Variants in LRCH3 observed in about 807,000 individuals in gnomAD.
LRCH3 encodes the protein leucine rich repeats and calponin homology domain containing 3, also known as DISP complex protein LRCH3.
Under a neutral mutation model 104.5 loss-of-function variants are expected in LRCH3, and 68 were observed. That is an observed-to-expected ratio of 0.65 (90% CI 0.54 to 0.80). The LOEUF is 0.80. Among genes scored for constraint, LRCH3 ranks in the 30% least tolerant of loss-of-function variants. LRCH3 has a pLI of 0.00. For synonymous variants in LRCH3, 344 were observed against 361.3 expected (o/e 0.95, Z 0.54); for missense variants, 951 against 953.9 (o/e 1.00, Z 0.04).
chr3:197,791,686 GC>G, intron 1 of LRCH3, 146 bp downstream of exon 1: 2 of 954,084 alleles, frequency 2.1e-6, no homozygotes, highest in Non-Finnish European at 2.9e-6. Context: ...AGCCGACGGC[GC>G]CAGCCCTCCG....
chr3:197,872,207 A>G (rs1446881411), intron 19 of LRCH3, among the ~76,000 whole-genome samples: 2 of 151,652 alleles, frequency 1.3e-5, no homozygotes, highest in East Asian at 3.9e-4. Flanking sequence ...AAATACAAAA[A>G]TCAGCTGGGT....
intron 4 of LRCH3, among the ~76,000 whole-genome samples, chr3:197,825,360 C>CT (rs35669763): frequency 0.45 from 54,046 of 119,148 alleles, 10,959 homozygotes; most frequent in Middle Eastern, 0.57. Flanking sequence ...TGTTTTATAT[C>CT]TTTTTTTTTT....
At position 197,791,575 on chromosome 3, in the gene LRCH3, G is replaced by T. The variant is rs1020079985; in HGVS notation, c.262+35G>T. ...GCGGGGGGCGTCTCTGCCCGTCGGA[G>T]ACCCGGCGCCGGGAGCCGCCCCGGC... On this transcript the variant is annotated intron_variant, in intron 1 of 20. Transcript: ENST00000425562. 4 of 1,499,336 alleles carry T rather than the reference G, an allele frequency of 2.7e-6. No individual in the cohort carries two copies. The African/African-American group carries it at 4.4e-5, about 17-fold the overall frequency. 92.9% of individuals were successfully genotyped at this position (1,499,336 alleles called of 1,614,324 possible). A position where few individuals can be genotyped will look rare whatever the true frequency, so the allele number is the denominator to read the frequency against.
At chr3:197,827,984 G>C (rs961607154) in intron 5 of LRCH3, among the ~76,000 whole-genome samples, 2 of 151,430 alleles carry the variant, frequency 1.3e-5, no homozygotes, top group Non-Finnish European at 2.9e-5. Flanking sequence ...GGCTGAGGCA[G>C]GAAAATCACT....
intron 10 of LRCH3, among the ~76,000 whole-genome samples, chr3:197,841,421 C>T (rs908012993): frequency 1.2e-4 from 19 of 152,206 alleles, no homozygotes; most frequent in Non-Finnish European, 2.4e-4. Flanking sequence ...TTCTTACTTC[C>T]CTTTCTGCCA....
At chr3:197,867,986 T>C (rs1463663134) in intron 17 of LRCH3, among the ~76,000 whole-genome samples, 1 of 152,168 alleles carries the variant, frequency 6.6e-6, no homozygotes. Context: ...ATTGCGCGAT[T>C]GCACTCCAGC....
intron 8 of LRCH3, 38 bp from the exon 9 acceptor site, chr3:197,835,636 T>TGTGTGTGTGTGTGTGG: frequency 9.7e-7 from 1 of 1,036,214 alleles, no homozygotes; most frequent in Non-Finnish European, 1.3e-6. Context: ...TTTTTTCTGG[T>TGTGTGTGTGTGTGTGG]GTGTGTGTGT....
chr3:197,854,328 G>A lies in LRCH3; in HGVS notation c.1591-64G>A. The A allele has an allele frequency of 7.2e-7, 1 of 1,389,332 alleles. No homozygotes were observed. Among genetic ancestry groups the A allele is most frequent in the Non-Finnish European group, 1.0e-6 (1 of 974,734 alleles). 86.1% of individuals were successfully genotyped at this position (1,389,332 alleles called of 1,614,324 possible). A position where few individuals can be genotyped will look rare whatever the true frequency, so the allele number is the denominator to read the frequency against. The stretch of plus-strand genomic sequence containing the variant: ...TCTCTTCCCTTGTGTGTGTATTCGT[G>A]AAATACGTCACACGTGTGCGTAGTT... On this transcript the variant is annotated intron_variant, in intron 13 of 20. Transcript: ENST00000425562. This position sits in a 1 kb window ranked among gnomAD's most constrained non-coding sequence, Gnocchi z 4.5.
In LRCH3 at chr3:197,836,616, A is replaced by G. The variant is rs535819172; in HGVS notation, c.1251+794A>G. ...AATCTCTTTGGTCTGAGACAGCTAA[A>G]AGGAAAGAAAAAAAAAGAAATAGAG... On this transcript the variant is annotated intron_variant, in intron 9 of 20. Transcript: ENST00000425562. Among the ~76,000 whole-genome samples, 179 of 152,348 alleles carry G rather than the reference A, an allele frequency of 1.2e-3. 1 individual carries two copies. Among genetic ancestry groups the G allele is most frequent in the Non-Finnish European group, 2.0e-3 (135 of 68,036 alleles).
rs1183576929 is a variant in LRCH3, at chr3:197,886,958, T to C, written c.*3292T>C. 1 of 152,242 alleles carries C rather than the reference T, an allele frequency of 6.6e-6. No homozygotes were observed. 9.4% of individuals were successfully genotyped at this position (152,242 alleles called of 1,614,324 possible). A position where few individuals can be genotyped will look rare whatever the true frequency, so the allele number is the denominator to read the frequency against. ...TTCAACTTATTTCAAATTTTGCACA[T>C]ATTATGAAACCTTATTAATGTATTT... On this transcript the variant is annotated 3_prime_UTR_variant, in exon 21 of 21. Transcript: ENST00000425562.
intron 20 of LRCH3, among the ~76,000 whole-genome samples, chr3:197,879,552 G>A (rs13061183): frequency 0.057 from 8,369 of 148,084 alleles, 786 homozygotes; most frequent in African/African-American, 0.17. Flanking sequence ...AGGCTGAGGC[G>A]GGAGAATGGC....
At chr3:197,862,988 A>T (rs1259040330) in intron 15 of LRCH3, among the ~76,000 whole-genome samples, 1 of 137,082 alleles carries the variant, frequency 7.3e-6, no homozygotes, top group African/African-American at 3.7e-5. Flanking sequence ...TGGTTTATTT[A>T]TTTATTATTT....
At chr3:197,876,070 A>G (rs1186798411) in intron 20 of LRCH3, 1 of 202,868 alleles carries the variant, frequency 4.9e-6, no homozygotes, top group Non-Finnish European at 9.8e-6. Flanking sequence ...ATATCCTTCA[A>G]AAACTAAGTA....
intron 4 of LRCH3, among the ~76,000 whole-genome samples, chr3:197,824,337 ACAG>A (rs779827046): frequency 2.7e-5 from 4 of 147,296 alleles, no homozygotes; most frequent in Non-Finnish European, 5.9e-5. Flanking sequence ...TGCTGGGATT[ACAG>A]GCGTGAGCCA....
At chr3:197,801,694 G>A (rs756229159) in intron 1 of LRCH3, among the ~76,000 whole-genome samples, 1 of 152,048 alleles carries the variant, frequency 6.6e-6, no homozygotes, top group African/African-American at 2.4e-5. Context: ...TAGATTGGCA[G>A]CTTCTTGAAG....
At chr3:197,804,382 G>C (rs890056563) in intron 1 of LRCH3, among the ~76,000 whole-genome samples, 2 of 152,176 alleles carry the variant, frequency 1.3e-5, no homozygotes, top group African/African-American at 4.8e-5. Context: ...CATGGTTAGA[G>C]TTTGATGTTA....
chr3:197,861,337 C>G (rs1218475113), intron 15 of LRCH3, among the ~76,000 whole-genome samples: 1 of 152,154 alleles, frequency 6.6e-6, no homozygotes, highest in Non-Finnish European at 1.5e-5. Context: ...AAAATGATCT[C>G]AAGGAAGGTC....
chr3:197,854,513 C>A lies in LRCH3; in HGVS notation c.1644+68C>A. 1 of 1,364,964 alleles carries A rather than the reference C, an allele frequency of 7.3e-7. No individual in the cohort carries two copies. Among genetic ancestry groups the A allele is most frequent in the Non-Finnish European group, 1.0e-6 (1 of 952,920 alleles). 84.6% of individuals were successfully genotyped at this position (1,364,964 alleles called of 1,614,324 possible). A position where few individuals can be genotyped will look rare whatever the true frequency, so the allele number is the denominator to read the frequency against. On this transcript the variant is annotated intron_variant, in intron 14 of 20. Coordinates refer to ENST00000425562, the MANE Select transcript of LRCH3 (RefSeq NM_001365715.1). This position sits in a 1 kb window ranked among gnomAD's most constrained non-coding sequence, Gnocchi z 4.5. ...AGAGATTGTACTTTTTATTCAGAAA[C>A]TATCTAAATACCATAAAACATGATG... is the stretch of plus-strand genomic sequence containing the variant.
At chr3:197,877,571 C>T (rs933692481) in intron 20 of LRCH3, among the ~76,000 whole-genome samples, 3 of 152,058 alleles carry the variant, frequency 2.0e-5, no homozygotes, top group Non-Finnish European at 4.4e-5. Flanking sequence ...GACAGTGATT[C>T]TCTTTACCCA....
Sources: gnomAD v4.1 joint callset for allele counts (sites outside exome capture counted in the v4.1 genomes callset) on GRCh38, gnomAD v4.1.1 for gene constraint, Gnocchi (gnomAD v3.1) non-coding constraint, MANE v1.5 for transcripts, NCBI Gene and HGNC (gene_info 2026-07-23, HGNC 2026-07-21) for gene names.